Variants in SYNJ2 observed in about 807,000 individuals in gnomAD.
The protein encoded by SYNJ2 is synaptojanin 2.
In SYNJ2, 116 loss-of-function variants were observed where a neutral mutation model predicts 141.3. The observed-to-expected ratio is 0.82, with a 90% confidence interval of 0.71 to 0.96. The LOEUF (loss-of-function observed/expected upper bound fraction) is 0.96, where lower values mean the gene tolerates loss of function less well. Ranked by LOEUF, SYNJ2 falls within the 40% of genes least tolerant of loss-of-function variation. SYNJ2 has a pLI of 0.00. For missense variants in SYNJ2, 1,873 were observed against 1,934.8 expected (o/e 0.97, Z 0.60); for synonymous variants, 745 against 777.7 (o/e 0.96, Z 0.70).
At chr6:158,041,111 G>A (rs910283780) in intron 4 of SYNJ2, among the ~76,000 whole-genome samples, 2 of 152,088 alleles carry the variant, frequency 1.3e-5, no homozygotes, top group East Asian at 1.9e-4. Flanking sequence ...TCCCTTCTCC[G>A]TGCACAAGGT....
Position 157,986,342 on chromosome 6 carries a change from TTTTG to T in SYNJ2, c.127+4267_127+4270del, listed in dbSNP as rs528044692. Reference sequence around the variant, plus strand: ...GGATGGTGTGTGCTTCTCCCGCGGGTTTTGTTTGTTTGTTTGAGACGGAGTCTCT... The same window carrying T: ...GGATGGTGTGTGCTTCTCCCGCGGGTTTTGTTTGTTTGAGACGGAGTCTCT... On this transcript the variant is annotated intron_variant, in intron 1 of 26. Transcript: ENST00000355585. Among the ~76,000 whole-genome samples, 777 of 152,010 alleles carry T rather than the reference TTTTG, an allele frequency of 5.1e-3. 4 individuals are homozygous for T. Among genetic ancestry groups the T allele is most frequent in the Admixed American group, 7.9e-3 (120 of 15,258 alleles).
At chr6:158,078,683 A>G (rs1376094892) in intron 18 of SYNJ2, 5 of 157,040 alleles carry the variant, frequency 3.2e-5, no homozygotes, top group African/African-American at 1.2e-4. Context: ...CCCACTAAAT[A>G]TATCCATGGA....
At chr6:158,035,398 T>G (rs1779585577) in intron 4 of SYNJ2, among the ~76,000 whole-genome samples, 1 of 152,222 alleles carries the variant, frequency 6.6e-6, no homozygotes, top group Non-Finnish European at 1.5e-5. Context: ...TTCACCTCCC[T>G]CATAAACTGT....
In SYNJ2 at chr6:158,043,190, G is replaced by A. The variant is rs1247324104; in HGVS notation, c.712-126G>A. 15 of 750,494 alleles carry A rather than the reference G, an allele frequency of 2.0e-5. No homozygotes were observed. The highest frequency in any genetic ancestry group is 2.5e-5 in the Non-Finnish European group (11 of 446,354). 46.5% of individuals were successfully genotyped at this position (750,494 alleles called of 1,614,324 possible). ...GCCGGATGGGGGAGCAGAGGACGCCGGAGTCCACCGTCCGCCCTTCATTCT... is the reference window on the plus strand; with the variant it reads ...GCCGGATGGGGGAGCAGAGGACGCCAGAGTCCACCGTCCGCCCTTCATTCT... On this transcript the variant is annotated intron_variant, in intron 4 of 26. Transcript: ENST00000355585. This position sits in a 1 kb window ranked among gnomAD's most constrained non-coding sequence, Gnocchi z 4.0.
intron 1 of SYNJ2, among the ~76,000 whole-genome samples, chr6:158,005,992 G>T (rs555620589): frequency 1.1e-4 from 16 of 152,236 alleles, no homozygotes; most frequent in African/African-American, 3.9e-4. Context: ...GGAGCTCCCT[G>T]CTCCTGCCAC....
At chr6:158,020,819 G>T (rs1039958838) in intron 2 of SYNJ2, among the ~76,000 whole-genome samples, 5 of 152,228 alleles carry the variant, frequency 3.3e-5, no homozygotes, top group Non-Finnish European at 7.3e-5. Context: ...TTCCCCACAG[G>T]CTCTTAATTT....
rs1783624621 is a variant in SYNJ2, at chr6:158,093,769, C to T, written c.3744+665C>T. On this transcript the variant is annotated intron_variant, in intron 26 of 26. Coordinates refer to ENST00000355585, the MANE Select transcript of SYNJ2 (RefSeq NM_003898.4). ...TTGCGTGTGGTCTGTGTTGTGTGCA[C>T]ATGGTTTCAAGGCATTAGGAAAACA... The T allele has an allele frequency of 4.4e-6, 3 of 679,844 alleles. No homozygotes were observed. In the Admixed American group the frequency reaches 6.2e-5, roughly 14 times the overall value. 42.1% of individuals were successfully genotyped at this position (679,844 alleles called of 1,614,324 possible). A position where few individuals can be genotyped will look rare whatever the true frequency, so the allele number is the denominator to read the frequency against.
Position 158,084,196 on chromosome 6 carries a change from C to A in SYNJ2, c.3208+22C>A. Reference sequence around the variant, plus strand: ...AAAGGTAGCCTGACCCTTCTTTTCTCAGGAGCCTCAGCGATGGAGTCAGCT... The same window carrying A: ...AAAGGTAGCCTGACCCTTCTTTTCTAAGGAGCCTCAGCGATGGAGTCAGCT... On this transcript the variant is annotated intron_variant, in intron 22 of 26. Transcript: ENST00000355585. This position sits in a 1 kb window ranked among gnomAD's most constrained non-coding sequence, Gnocchi z 5.0. The A allele has an allele frequency of 1.2e-6, 2 of 1,607,554 alleles. No homozygotes were observed. The highest frequency in any genetic ancestry group is 8.5e-7 in the Non-Finnish European group (1 of 1,176,280).
intron 3 of SYNJ2, among the ~76,000 whole-genome samples, chr6:158,029,691 G>A (rs913540240): frequency 6.6e-6 from 1 of 152,184 alleles, no homozygotes; most frequent in African/African-American, 2.4e-5. Flanking sequence ...CACTCTTTCA[G>A]TCTTCTCAAT....
chr6:158,023,355 C>T (rs1778878121), intron 2 of SYNJ2, among the ~76,000 whole-genome samples: 1 of 151,456 alleles, frequency 6.6e-6, no homozygotes, highest in Non-Finnish European at 1.5e-5. Flanking sequence ...TTAGGCAGGA[C>T]ACAGTGAGGC....
chr6:158,061,059 C>G (rs1182396265), intron 7 of SYNJ2, among the ~76,000 whole-genome samples: 1 of 152,252 alleles, frequency 6.6e-6, no homozygotes, highest in South Asian at 2.1e-4. Flanking sequence ...TTGGGCTCCT[C>G]CAGCTTCTTG....
intron 5 of SYNJ2, among the ~76,000 whole-genome samples, chr6:158,054,379 T>G (rs1371238383): frequency 6.6e-6 from 1 of 152,258 alleles, no homozygotes; most frequent in Non-Finnish European, 1.5e-5. Context: ...TTAAAATCCA[T>G]TACTGTCCTC....
At chr6:157,983,776 C>T (rs139315185) in intron 1 of SYNJ2, among the ~76,000 whole-genome samples, 6 of 151,798 alleles carry the variant, frequency 4.0e-5, no homozygotes, top group Non-Finnish European at 7.4e-5. Context: ...CATGTGCAGT[C>T]CACATTTGTC....
At chr6:158,021,657 G>T (rs1778778210) in intron 2 of SYNJ2, among the ~76,000 whole-genome samples, 1 of 152,186 alleles carries the variant, frequency 6.6e-6, no homozygotes, top group Non-Finnish European at 1.5e-5. Flanking sequence ...TCCTGGTGGG[G>T]GGCTCCTCTG....
Position 158,096,392 on chromosome 6 carries a change from A to G in SYNJ2, c.*28A>G, listed in dbSNP as rs769896932. 16 of 1,550,452 alleles carry G rather than the reference A, an allele frequency of 1.0e-5. No individual in the cohort carries two copies. Among genetic ancestry groups the G allele is most frequent in the African/African-American group, 1.4e-5 (1 of 72,822 alleles). The stretch of plus-strand genomic sequence containing the variant: ...GAGCAGCTTTGAAGGCTGCAGTCCT[A>G]TAGAATGCATACCTTCCTCCCTCTA... On this transcript the variant is annotated 3_prime_UTR_variant, in exon 27 of 27. Coordinates refer to ENST00000355585, the MANE Select transcript of SYNJ2 (RefSeq NM_003898.4).
At chr6:158,078,348 A>G in intron 18 of SYNJ2, 67 bp downstream of exon 18, 1 of 1,040,286 alleles carries the variant, frequency 9.6e-7, no homozygotes, top group Non-Finnish European at 1.5e-6. Context: ...TCTCCGCAGG[A>G]AAATGCATGC....
chr6:158,033,363 G>A (rs1479210368), intron 3 of SYNJ2, 92 bp from the exon 4 acceptor site: 8 of 1,384,284 alleles, frequency 5.8e-6, no homozygotes, highest in South Asian at 2.6e-5. Flanking sequence ...TGCACCGTGC[G>A]CCCCCCAGTT....
At chr6:157,990,637 C>T (rs1480908952) in intron 1 of SYNJ2, among the ~76,000 whole-genome samples, 2 of 152,208 alleles carry the variant, frequency 1.3e-5, no homozygotes, top group Non-Finnish European at 1.5e-5. Flanking sequence ...CGGGCTGCTC[C>T]AGGCTCCCGG....
At chr6:158,077,049 G>A (rs1465219802) in intron 17 of SYNJ2, among the ~76,000 whole-genome samples, 1 of 150,904 alleles carries the variant, frequency 6.6e-6, no homozygotes, top group Non-Finnish European at 1.5e-5. Context: ...AGGCTGGAGT[G>A]CAATGGCGTG....
Sources: allele counts gnomAD v4.1 joint callset (sites outside exome capture counted in the v4.1 genomes callset), GRCh38; gene constraint gnomAD v4.1.1; non-coding constraint Gnocchi (gnomAD v3.1); transcripts MANE v1.5; gene names NCBI Gene and HGNC (gene_info 2026-07-23, HGNC 2026-07-21).